The following BCAR3 variants were observed in gnomAD, a reference collection of about 807,000 sequenced individuals.
BCAR3 encodes the protein BCAR3 adaptor protein, NSP family member.
A neutral mutation model predicts 80.1 loss-of-function variants in BCAR3; 37 were observed. The ratio of observed to expected loss-of-function variants is 0.46; its 90% CI spans 0.36 to 0.61. The LOEUF is 0.61. BCAR3 is among the 20% of genes least tolerant of loss of function. The pLI, the probability that BCAR3 is intolerant of heterozygous loss-of-function variation, is 0.00. For synonymous variants in BCAR3, 389 were observed against 418.9 expected, an observed-to-expected ratio of 0.93 and a Z score of 0.87; for missense variants, 978 against 1,068.2, an observed-to-expected ratio of 0.92 and a Z score of 1.18.
At chr1:93,647,184 T>C (rs1178964394) in intron 2 of BCAR3, among the ~76,000 whole-genome samples, 5 of 152,188 alleles carry the variant, frequency 3.3e-5, no homozygotes, top group African/African-American at 4.8e-5. Flanking sequence ...GAGGTATTTT[T>C]GGTAAAGAAG....
intron 2 of BCAR3, among the ~76,000 whole-genome samples, chr1:93,648,054 G>A (rs573443939): frequency 6.6e-6 from 1 of 152,298 alleles, no homozygotes; most frequent in African/African-American, 2.4e-5. Context: ...GATTACAGAT[G>A]TGAGCCACCG....
chr1:93,571,459 C>G, intron 9 of BCAR3: 2 of 534,668 alleles, frequency 3.7e-6, no homozygotes, highest in Admixed American at 3.1e-5. Context: ...GATTGTGCCA[C>G]TGCTAGCCTA....
At chr1:93,762,452 G>A in intron 2 of BCAR3, among the ~76,000 whole-genome samples, 1 of 152,176 alleles carries the variant, frequency 6.6e-6, no homozygotes, top group Non-Finnish European at 1.5e-5. Context: ...GAGAGCTCGT[G>A]TACACCCAGT....
chr1:93,577,157 AC>A (rs1298929654), intron 7 of BCAR3, among the ~76,000 whole-genome samples: 1 of 152,128 alleles, frequency 6.6e-6, no homozygotes, highest in African/African-American at 2.4e-5. Context: ...GTCTCTAAAA[AC>A]AAAAGAAAAA....
intron 2 of BCAR3, among the ~76,000 whole-genome samples, chr1:93,811,003 T>C (rs1181280866): frequency 6.6e-6 from 1 of 152,150 alleles, no homozygotes; most frequent in Non-Finnish European, 1.5e-5. Flanking sequence ...ATAATTAGGG[T>C]GTCTCAGGCT....
intron 2 of BCAR3, among the ~76,000 whole-genome samples, chr1:93,746,555 T>C (rs1399166736): frequency 6.6e-6 from 1 of 152,058 alleles, no homozygotes; most frequent in Non-Finnish European, 1.5e-5. Context: ...AAATTTGTTC[T>C]CCCCACAGCC....
intron 3 of BCAR3, among the ~76,000 whole-genome samples, chr1:93,688,580 T>C (rs1649053725): frequency 1.3e-5 from 2 of 152,060 alleles, no homozygotes; most frequent in Admixed American, 1.3e-4. Context: ...TATATATGTA[T>C]GTTTTTTTTT....
chr1:93,637,590 G>T lies in BCAR3; in HGVS notation c.357+4714C>A, dbSNP rs547596853. 4.6e-5 allele frequency among the ~76,000 whole-genome samples: 7 copies of T among 152,258 alleles called. No individual in the cohort carries two copies. The South Asian group carries it at 1.0e-3, about 23-fold the overall frequency. On this transcript the variant is annotated intron_variant, in intron 3 of 11. Transcript: ENST00000260502. ...GCCTAGGCTTCATAGGTTGAAAGGG[G>T]GTTACAGAAGTGAACCATAATGGAT...
rs147318488 is a variant in BCAR3 at position 93,803,978 on chromosome 1, T to C, written c.-63+41589A>G. Among the ~76,000 whole-genome samples the C allele has an allele frequency of 1.7e-3, 259 of 152,338 alleles. 3 individuals carry two copies. In the South Asian group the frequency reaches 0.024, roughly 14 times the overall value. On this transcript the variant is annotated intron_variant, in intron 2 of 13. Coordinates refer to the BCAR3 transcript ENST00000370244. ...GATTGATCCTATCCTGCCTCTGTGC[T>C]TCATCTGATAGGCAAAGTGGCCATA...
intron 1 of BCAR3, among the ~76,000 whole-genome samples, chr1:93,679,856 C>T (rs1192191476): frequency 1.3e-5 from 2 of 152,146 alleles, no homozygotes; most frequent in African/African-American, 2.4e-5. Flanking sequence ...ATTTCTGAAA[C>T]GGGATATTTT....
intron 2 of BCAR3, among the ~76,000 whole-genome samples, chr1:93,644,062 C>T (rs1676078467): frequency 6.6e-6 from 1 of 152,160 alleles, no homozygotes; most frequent in Admixed American, 6.5e-5. Context: ...TCTGGCATAA[C>T]ATGTGACAAG....
At chr1:93,694,018 G>A (rs1649294413) in intron 3 of BCAR3, among the ~76,000 whole-genome samples, 1 of 152,202 alleles carries the variant, frequency 6.6e-6, no homozygotes, top group African/African-American at 2.4e-5. Context: ...TTATAGATGA[G>A]GAGATTGAGG....
chr1:93,739,102 C>T (rs1651093424), intron 2 of BCAR3, among the ~76,000 whole-genome samples: 1 of 152,212 alleles, frequency 6.6e-6, no homozygotes, highest in Non-Finnish European at 1.5e-5. Context: ...AGGTGTTAAT[C>T]TCCCAGGTTC....
chr1:93,632,106 G>A (rs746371583), intron 3 of BCAR3, among the ~76,000 whole-genome samples: 15 of 152,196 alleles, frequency 9.9e-5, no homozygotes, highest in Admixed American at 3.3e-4. Context: ...CACCTCATAA[G>A]ATGCAGAGAT....
At chr1:93,837,568 C>T (rs2100844061) in intron 2 of BCAR3, among the ~76,000 whole-genome samples, 1 of 152,346 alleles carries the variant, frequency 6.6e-6, no homozygotes, top group East Asian at 1.9e-4. Context: ...GTTCGAATTA[C>T]TTTAAATTCT....
At chr1:93,684,978 C>A (rs1648921581), upstream of BCAR3, among the ~76,000 whole-genome samples, 1 of 152,186 alleles carries the variant, frequency 6.6e-6, no homozygotes, top group South Asian at 2.1e-4. Flanking sequence ...GATCTGCCTG[C>A]CTCAGCCTCC....
rs1384303526 is a variant in BCAR3 at position 93,567,731 on chromosome 1, C to T, written c.2086+9G>A. ...GGTAGCCCCATGCTTGCTCTGCCCA[C>T]GTGCTCACCTCTGCCTTCATGCAGG... is the stretch of plus-strand genomic sequence containing the variant. On this transcript the variant is annotated intron_variant, in intron 10 of 11. Transcript: ENST00000260502. 5.0e-6 allele frequency: 8 copies of T among 1,610,136 alleles called. No homozygotes were observed. The highest frequency in any genetic ancestry group is 1.7e-4 in the Middle Eastern group (1 of 5,964).
chr1:93,585,146 A>G (rs1368254129), intron 5 of BCAR3: 2 of 938,644 alleles, frequency 2.1e-6, no homozygotes, highest in Admixed American at 1.7e-4. Context: ...AGGGGCCAGA[A>G]CGGCAGGGTG....
At chr1:93,839,749 T>C (rs539188671) in intron 2 of BCAR3, among the ~76,000 whole-genome samples, 2 of 152,344 alleles carry the variant, frequency 1.3e-5, no homozygotes, top group African/African-American at 4.8e-5. Flanking sequence ...TCTGAGCTTT[T>C]TGATGGAGTT....
Sources: gnomAD v4.1 joint callset for allele counts (sites outside exome capture counted in the v4.1 genomes callset) on GRCh38, gnomAD v4.1.1 for gene constraint, MANE v1.5 for transcripts, NCBI Gene and HGNC (gene_info 2026-07-23, HGNC 2026-07-21) for gene names.